KDM8: variants seen among roughly 807,000 people sequenced by gnomAD.
KDM8 encodes bifunctional peptidase and arginyl-hydroxylase JMJD5.
KDM8 carries 35 observed loss-of-function variants against 46.9 expected under a neutral mutation model. The ratio of observed to expected loss-of-function variants is 0.75; its 90% CI spans 0.57 to 0.99. KDM8 has a LOEUF of 0.99. Ranked by LOEUF, KDM8 falls within the 50% of genes least tolerant of loss-of-function variation. The pLI is 0.00. For synonymous variants in KDM8, 232 were observed against 227.7 expected, an observed-to-expected ratio of 1.02 and a Z score of -0.17; for missense variants, 475 against 537.0, an observed-to-expected ratio of 0.88 and a Z score of 1.14.
intron 2 of KDM8, among the ~76,000 whole-genome samples, chr16:27,213,107 T>C (rs541068521): frequency 6.6e-6 from 1 of 152,244 alleles, no homozygotes; most frequent in East Asian, 1.9e-4. Context: ...CCTAAGAAAC[T>C]GTAAGGACCG....
chr16:27,206,085 C>T (rs781058903), intron 1 of KDM8: 4 of 216,002 alleles, frequency 1.9e-5, no homozygotes, highest in Non-Finnish European at 3.2e-5. Flanking sequence ...CACTAGAAGG[C>T]TATCTGTACA....
intron 5 of KDM8, among the ~76,000 whole-genome samples, chr16:27,217,323 C>T (rs1309169458): frequency 6.6e-6 from 1 of 152,198 alleles, no homozygotes; most frequent in East Asian, 1.9e-4. Flanking sequence ...AGTCACATCT[C>T]GGGAGCACTG....
intron 5 of KDM8, among the ~76,000 whole-genome samples, 158 bp from the exon 6 acceptor site, chr16:27,218,803 C>T (rs1033956652): frequency 2.0e-5 from 3 of 152,030 alleles, no homozygotes; most frequent in African/African-American, 7.2e-5. Context: ...GCTGAGATCA[C>T]GCCACTGCAC....
chr16:27,203,863 C>G, intron 1 of KDM8: 1 of 441,290 alleles, frequency 2.3e-6, no homozygotes, highest in East Asian at 3.6e-5. Context: ...AAAGGTTCCG[C>G]GCGTGCGTAT....
chr16:27,213,717 G>T lies in KDM8; in HGVS notation c.631G>T (p.Val211Leu). The change falls in exon 3 of 8, where the codon GTG becomes TTG. Residue 211 changes from valine (V) to leucine (L), a missense_variant. Coordinates refer to ENST00000286096, the MANE Select transcript of KDM8 (RefSeq NM_024773.3). ...AGGGAGGCCCGTGATCCTGAAAGGCGTGGCTGACCACTGGCCGTGCATGCA... is the reference window on the plus strand; with the variant it reads ...AGGGAGGCCCGTGATCCTGAAAGGCTTGGCTGACCACTGGCCGTGCATGCA... ...VPGRPVILKGVADHWPCMQKW... is the reference protein window; with the variant it reads ...VPGRPVILKGLADHWPCMQKW... 1.2e-6 allele frequency: 2 copies of T among 1,614,160 alleles called. No homozygotes were observed. Among genetic ancestry groups the T allele is most frequent in the Non-Finnish European group, 1.7e-6 (2 of 1,180,020 alleles).
chr16:27,212,659 G>A lies in KDM8; in HGVS notation c.499-926G>A, dbSNP rs35251698. Among the ~76,000 whole-genome samples the A allele has an allele frequency of 9.8e-3, 1,497 of 152,286 alleles. 13 individuals are homozygous for A. The highest frequency in any genetic ancestry group is 0.017 in the Non-Finnish European group (1,155 of 68,032). ...TGAGGCAGGAGAATTGTTTGAACCC[G>A]TGAGGCAGAGGTTGTAGTGAGCCGA... On this transcript the variant is annotated intron_variant, in intron 2 of 7. Coordinates refer to ENST00000286096, the MANE Select transcript of KDM8 (RefSeq NM_024773.3).
chr16:27,216,238 G>A, intron 5 of KDM8: 1 of 565,396 alleles, frequency 1.8e-6, no homozygotes, highest in Non-Finnish European at 3.2e-6. Flanking sequence ...TGTCGGAGCG[G>A]GTGGCTGGCT....
rs772599962 is a variant in KDM8 at position 27,213,736 on chromosome 16, G to A, written c.650G>A (p.Cys217Tyr). Reference protein sequence around the residue: ...ILKGVADHWPCMQKWSLEYIQ... With the variant: ...ILKGVADHWPYMQKWSLEYIQ... The stretch of plus-strand genomic sequence containing the variant: ...AAAGGCGTGGCTGACCACTGGCCGT[G>A]CATGCAGAAGTGGAGGTGGGTGGTC... Residue 217 changes from cysteine to tyrosine, a missense_variant, in exon 3 of 8, where the codon TGC becomes TAC. Cys to Tyr is a radical substitution (Grantham distance 194). Transcript: ENST00000286096. The A allele has an allele frequency of 6.2e-7, 1 of 1,614,142 alleles. No individual in the cohort carries two copies. Among genetic ancestry groups the A allele is most frequent in the Non-Finnish European group, 8.5e-7 (1 of 1,180,012 alleles).
At chr16:27,218,900 C>T (rs1175511344) in intron 5 of KDM8, 61 bp from the exon 6 acceptor site, 6 of 1,596,996 alleles carry the variant, frequency 3.8e-6, no homozygotes, top group African/African-American at 2.7e-5. Context: ...CTTCGTTGGC[C>T]TCCGGGCTGC....
At position 27,220,702 on chromosome 16, in the gene KDM8, G is replaced by C; in HGVS notation, c.1223G>C (p.Ser408Thr). Residue 408 changes from serine to threonine, a missense_variant, in exon 8 of 8, where the codon AGC becomes ACC. By Grantham distance (58) the Ser-to-Thr change is moderately conservative. Coordinates refer to ENST00000286096, the MANE Select transcript of KDM8 (RefSeq NM_024773.3). The part of the protein sequence containing the change: ...YWHYVRALDL[S>T]FSVSFWWS ...CATTACGTGCGGGCTCTGGATTTGAGCTTCTCGGTCAGCTTCTGGTGGTCG... is the reference window on the plus strand; with the variant it reads ...CATTACGTGCGGGCTCTGGATTTGACCTTCTCGGTCAGCTTCTGGTGGTCG... 6.2e-7 allele frequency: 1 copy of C among 1,614,230 alleles called. No homozygotes were observed. Among genetic ancestry groups the C allele is most frequent in the Non-Finnish European group, 8.5e-7 (1 of 1,180,042 alleles).
intron 1 of KDM8, among the ~76,000 whole-genome samples, chr16:27,205,792 C>G (rs1421020668): frequency 2.0e-5 from 3 of 152,094 alleles, no homozygotes; most frequent in Non-Finnish European, 4.4e-5. Context: ...GAGGCGGGAT[C>G]GCACCATTGC....
intron 5 of KDM8, among the ~76,000 whole-genome samples, chr16:27,218,423 TA>T (rs2083578744): frequency 6.6e-6 from 1 of 152,142 alleles, no homozygotes; most frequent in African/African-American, 2.4e-5. Context: ...CTGCATCATA[TA>T]AAGCTCAGAG....
chr16:27,204,365 C>T lies in KDM8; in HGVS notation c.-32+729C>T, dbSNP rs1273178500. ...GTTGGGGCCACACGGACGACCCAAA[C>T]ACAAGACTGTGTGCCCCTTAGAGAG... is the stretch of plus-strand genomic sequence containing the variant. On this transcript the variant is annotated intron_variant, in intron 1 of 7. Coordinates refer to ENST00000286096, the MANE Select transcript of KDM8 (RefSeq NM_024773.3). 9 of 1,339,660 alleles carry T rather than the reference C, an allele frequency of 6.7e-6. No individual in the cohort carries two copies. The African/African-American group carries it at 1.1e-4, about 16-fold the overall frequency. 83.0% of individuals were successfully genotyped at this position (1,339,660 alleles called of 1,614,324 possible). A position where few individuals can be genotyped will look rare whatever the true frequency, so the allele number is the denominator to read the frequency against.
chr16:27,219,191 CA>C, intron 6 of KDM8, 81 bp downstream of exon 6: 1 of 1,385,842 alleles, frequency 7.2e-7, no homozygotes, highest in Admixed American at 2.6e-5. Context: ...TGCCTTTAAA[CA>C]CCGGGCTCTT....
At chr16:27,203,945 C>A (rs2141995271) in intron 1 of KDM8, 1 of 590,308 alleles carries the variant, frequency 1.7e-6, no homozygotes, top group Non-Finnish European at 2.9e-6. Context: ...TGCGCTTTAG[C>A]GGTTCTTGGC....
chr16:27,211,196 G>A, intron 2 of KDM8: 1 of 455,500 alleles, frequency 2.2e-6, no homozygotes, highest in South Asian at 1.6e-5. Flanking sequence ...GGTTCCTGAG[G>A]GAAACAGCTT....
At chr16:27,219,215 G>C in intron 6 of KDM8, 105 bp downstream of exon 6, 2 of 1,238,272 alleles carry the variant, frequency 1.6e-6, no homozygotes, top group Non-Finnish European at 1.1e-6. Context: ...AAAGAAACAA[G>C]AAGCACTGAA....
At chr16:27,214,719 T>C (rs1185364388) in intron 3 of KDM8, 157 bp from the exon 4 acceptor site, 5 of 757,400 alleles carry the variant, frequency 6.6e-6, no homozygotes, top group African/African-American at 5.2e-5. Context: ...GCCCCACCTC[T>C]CCATGCCGGT....
intron 5 of KDM8, among the ~76,000 whole-genome samples, chr16:27,218,324 T>G (rs1442926430): frequency 6.6e-6 from 1 of 152,110 alleles, no homozygotes; most frequent in South Asian, 2.1e-4. Context: ...GCCAGGCCAC[T>G]GCGGCCCTGC....
Sources: gnomAD v4.1 joint callset for allele counts (sites outside exome capture counted in the v4.1 genomes callset) on GRCh38, gnomAD v4.1.1 for gene constraint, MANE v1.5 for transcripts, NCBI Gene and HGNC (gene_info 2026-07-23, HGNC 2026-07-21) for gene names.